The following KLHL18 variants were observed in gnomAD, a reference collection of about 807,000 sequenced individuals.
KLHL18 encodes kelch-like protein 18.
A neutral mutation model predicts 58.5 loss-of-function variants in KLHL18; 38 were observed. The ratio of observed to expected loss-of-function variants is 0.65; its 90% CI spans 0.50 to 0.85. The LOEUF is 0.85. Ranked by LOEUF, KLHL18 falls within the 40% of genes least tolerant of loss-of-function variation. The pLI is 0.00. For missense variants in KLHL18, 624 were observed against 778.4 expected (o/e 0.80, Z 2.36); for synonymous variants, 303 against 301.9 (o/e 1.00, Z -0.04).
intron 1 of KLHL18, among the ~76,000 whole-genome samples, chr3:47,308,601 G>A (rs1703204353): frequency 1.3e-5 from 2 of 152,154 alleles, no homozygotes; most frequent in Admixed American, 6.5e-5. Context: ...ATGTTGGCCA[G>A]GCTGGTCTTG....
intron 8 of KLHL18, among the ~76,000 whole-genome samples, 166 bp from the exon 9 acceptor site, chr3:47,342,553 T>C (rs974943896): frequency 6.6e-6 from 1 of 152,092 alleles, no homozygotes; most frequent in Non-Finnish European, 1.5e-5. Context: ...GTTTGCAGCT[T>C]GGGTGAGAGG....
chr3:47,316,507 A>G (rs62248940), intron 1 of KLHL18, among the ~76,000 whole-genome samples: 48 of 3,892 alleles, frequency 0.012, 15 homozygotes, highest in East Asian at 0.17. Context: ...ATATGTATAT[A>G]TATACATATA....
chr3:47,341,408 C>A (rs1317161906), intron 8 of KLHL18, among the ~76,000 whole-genome samples: 1 of 152,188 alleles, frequency 6.6e-6, no homozygotes, highest in Non-Finnish European at 1.5e-5. Context: ...TTTAAAGCAT[C>A]CAATGTGGTT....
intron 4 of KLHL18, 47 bp from the exon 5 acceptor site, chr3:47,333,110 C>T (rs1703901716): frequency 6.3e-7 from 1 of 1,589,610 alleles, no homozygotes; most frequent in Non-Finnish European, 8.6e-7. Flanking sequence ...TGGGGTGTGG[C>T]CTCTGGGTGG....
intron 3 of KLHL18, among the ~76,000 whole-genome samples, chr3:47,325,183 CTT>C (rs1278529309): frequency 6.8e-6 from 1 of 147,008 alleles, no homozygotes; most frequent in African/African-American, 2.5e-5. Context: ...TCTTTTTTTT[CTT>C]TTTTTTTTTA....
chr3:47,314,057 A>C (rs1040361472), intron 1 of KLHL18, among the ~76,000 whole-genome samples: 6 of 152,094 alleles, frequency 3.9e-5, no homozygotes, highest in Non-Finnish European at 5.9e-5. Flanking sequence ...TTATTTTTCG[A>C]GACATTCTCT....
intron 1 of KLHL18, among the ~76,000 whole-genome samples, chr3:47,301,910 C>T (rs1204920068): frequency 6.6e-6 from 1 of 152,142 alleles, no homozygotes; most frequent in Non-Finnish European, 1.5e-5. Context: ...ATTCTCTCAC[C>T]TCAGCCTCCC....
At chr3:47,318,769 AAG>A (rs1306502014) in intron 1 of KLHL18, among the ~76,000 whole-genome samples, 2 of 152,228 alleles carry the variant, frequency 1.3e-5, no homozygotes, top group Non-Finnish European at 2.9e-5. Context: ...GAACAACTCT[AAG>A]AAATTTGAGC....
chr3:47,319,001 A>G (rs972186917), intron 1 of KLHL18, among the ~76,000 whole-genome samples: 1 of 152,262 alleles, frequency 6.6e-6, no homozygotes, highest in African/African-American at 2.4e-5. Flanking sequence ...TTGGAGCTAT[A>G]AATGGCTTAT....
chr3:47,343,830 A>G lies in KLHL18; in HGVS notation c.1614A>G (p.Leu538=). Reference sequence around the variant, plus strand: ...GGGGCTACGACGGACAGTCAAACCTAAGCTCAGTGGAGATGTATGACCCAG... The same window carrying G: ...GGGGCTACGACGGACAGTCAAACCTGAGCTCAGTGGAGATGTATGACCCAG... ...AVGGYDGQSN[L]SSVEMYDPET... Residue 538 remains leucine (L), a synonymous_variant, in exon 10 of 10, where the codon CTA becomes CTG. Transcript: ENST00000232766. The G allele has an allele frequency of 1.9e-6, 3 of 1,614,112 alleles. No individual in the cohort carries two copies. Among genetic ancestry groups the G allele is most frequent in the Non-Finnish European group, 2.5e-6 (3 of 1,180,014 alleles).
intron 3 of KLHL18, among the ~76,000 whole-genome samples, chr3:47,325,707 T>C (rs939435435): frequency 6.6e-6 from 1 of 152,136 alleles, no homozygotes; most frequent in Admixed American, 6.5e-5. Context: ...GGTGGCCCTA[T>C]TTCCGGCCTT....
chr3:47,336,996 G>T, intron 7 of KLHL18: 1 of 501,334 alleles, frequency 2.0e-6, no homozygotes. Context: ...TGGAAGTTGT[G>T]TTGTTATTTT....
intron 1 of KLHL18, among the ~76,000 whole-genome samples, chr3:47,304,082 A>G (rs563194438): frequency 5.9e-5 from 9 of 152,208 alleles, no homozygotes; most frequent in Non-Finnish European, 8.8e-5. Context: ...CTATCTCTAC[A>G]TACACACATA....
intron 2 of KLHL18, among the ~76,000 whole-genome samples, chr3:47,322,106 G>A (rs939596821): frequency 7.2e-5 from 11 of 152,036 alleles, no homozygotes; most frequent in African/African-American, 2.7e-4. Flanking sequence ...ATTCAAAAAC[G>A]TTCTAACAGC....
Position 47,344,732 on chromosome 3 carries a change from T to C in KLHL18, c.*791T>C, listed in dbSNP as rs1402541026. The stretch of plus-strand genomic sequence containing the variant: ...ATAAAAGACACTAACGGCAAATCTA[T>C]GTTTAAATGGAAAATCGTCTAACTG... On this transcript the variant is annotated 3_prime_UTR_variant, in exon 10 of 10. Coordinates refer to ENST00000232766, the MANE Select transcript of KLHL18 (RefSeq NM_025010.5). 1 of 152,656 alleles carries C rather than the reference T, an allele frequency of 6.6e-6. No homozygotes were observed. The highest frequency in any genetic ancestry group is 1.5e-5 in the Non-Finnish European group (1 of 68,046). 9.5% of individuals were successfully genotyped at this position (152,656 alleles called of 1,614,324 possible). A position where few individuals can be genotyped will look rare whatever the true frequency, so the allele number is the denominator to read the frequency against.
intron 3 of KLHL18, among the ~76,000 whole-genome samples, chr3:47,325,490 C>A (rs570649270): frequency 6.6e-6 from 1 of 152,300 alleles, no homozygotes; most frequent in African/African-American, 2.4e-5. Context: ...AGCCACCACG[C>A]CCAGCCGAGG....
chr3:47,284,871 T>G (rs1218389684), intron 1 of KLHL18, among the ~76,000 whole-genome samples: 1 of 151,964 alleles, frequency 6.6e-6, no homozygotes, highest in Non-Finnish European at 1.5e-5. Context: ...CAGGCTGGAG[T>G]GCAGTGGCAT....
chr3:47,306,345 T>C (rs1703147997), intron 1 of KLHL18, among the ~76,000 whole-genome samples: 1 of 152,292 alleles, frequency 6.6e-6, no homozygotes, highest in Non-Finnish European at 1.5e-5. Flanking sequence ...TTTACAGATA[T>C]TATTTTCTAT....
chr3:47,327,709 A>C (rs1263119308), intron 3 of KLHL18, among the ~76,000 whole-genome samples: 1 of 152,162 alleles, frequency 6.6e-6, no homozygotes, highest in Non-Finnish European at 1.5e-5. Flanking sequence ...TCAGTTTCCA[A>C]AGCAATGGAC....
Sources: allele counts gnomAD v4.1 joint callset (sites outside exome capture counted in the v4.1 genomes callset), GRCh38; gene constraint gnomAD v4.1.1; transcripts MANE v1.5; gene names NCBI Gene and HGNC (gene_info 2026-07-23, HGNC 2026-07-21).